OR10K2: variants seen among roughly 807,000 people sequenced by gnomAD.
The protein encoded by OR10K2 is olfactory receptor 10K2.
For synonymous variants in OR10K2, 169 were observed against 146.4 expected, an observed-to-expected ratio of 1.15 and a Z score of -1.11; for missense variants, 401 against 367.1, an observed-to-expected ratio of 1.09 and a Z score of -0.76.
In OR10K2 at chr1:158,420,285, A is replaced by G; in HGVS notation, c.582T>C (p.Phe194=). The part of the protein sequence containing the change: ...VLKLASHHNH[F]SQIVIFMLCT... ...AGAGCATGAAGATGACAATCTGACT[A>G]AAGTGGTTATGGTGAGATGCCAGCT... Residue 194 remains phenylalanine (F), a synonymous_variant, in exon 2 of 2, where the codon TTT becomes TTC. Transcript: ENST00000641042. 6.2e-7 allele frequency: 1 copy of G among 1,613,828 alleles called. No individual in the cohort carries two copies. The highest frequency in any genetic ancestry group is 8.5e-7 in the Non-Finnish European group (1 of 1,179,892).
chr1:158,422,464 A>T (rs1655173858), intron 1 of OR10K2, among the ~76,000 whole-genome samples: 2 of 152,044 alleles, frequency 1.3e-5, no homozygotes, highest in East Asian at 3.9e-4. Context: ...ACAATAGAAA[A>T]CTGGCACTGA....
At chr1:158,423,446 C>T (rs541948039) in intron 1 of OR10K2, among the ~76,000 whole-genome samples, 198 of 151,970 alleles carry the variant, frequency 1.3e-3, no homozygotes, top group African/African-American at 4.4e-3. Flanking sequence ...CTGGCAAGTT[C>T]TAGTGGTAAA....
intron 1 of OR10K2, among the ~76,000 whole-genome samples, chr1:158,422,933 A>C (rs935095713): frequency 1.3e-5 from 2 of 152,088 alleles, no homozygotes; most frequent in Non-Finnish European, 2.9e-5. Context: ...ACATCCTTGA[A>C]AAATGATATG....
chr1:158,426,002 T>G lies in OR10K2; in HGVS notation c.-131A>C, dbSNP rs1027763773. The G allele has an allele frequency of 2.0e-5, 3 of 152,138 alleles. No individual in the cohort carries two copies. The highest frequency in any genetic ancestry group is 7.2e-5 in the African/African-American group (3 of 41,456). The allele number at this position is 152,138 out of a possible 1,614,324, so 9.4% of individuals were successfully genotyped here. A position where few individuals can be genotyped will look rare whatever the true frequency, so the allele number is the denominator to read the frequency against. On this transcript the variant is annotated 5_prime_UTR_variant, in exon 1 of 2. Coordinates refer to ENST00000641042, the MANE Select transcript of OR10K2 (RefSeq NM_001004476.2). The stretch of plus-strand genomic sequence containing the variant: ...TTTCATTTCCTGTCCATTGCCCAGT[T>G]TCTCAAGGTTGTAGATGCTTAGTCC...
rs371628380 is a variant in OR10K2, at chr1:158,423,928, T to A, written c.-62+2005A>T. ...TACGATTTCATGATTTCTGTTACTATCTAAGCACTATAGATATAATTATGA... is the reference window on the plus strand; with the variant it reads ...TACGATTTCATGATTTCTGTTACTAACTAAGCACTATAGATATAATTATGA... On this transcript the variant is annotated intron_variant, in intron 1 of 1. Transcript: ENST00000641042. Among the ~76,000 whole-genome samples the A allele has an allele frequency of 2.6e-5, 4 of 152,144 alleles. No individual in the cohort carries two copies. The East Asian group carries it at 5.8e-4, about 22-fold the overall frequency.
chr1:158,420,491 T>C lies in OR10K2; in HGVS notation c.376A>G (p.Ile126Val). Residue 126 changes from isoleucine to valine, a missense_variant, in exon 2 of 2, where the codon ATC (isoleucine) becomes GTC (valine). Physicochemically the swap from Ile to Val is conservative, Grantham distance 29 (BLOSUM62 3). Transcript: ENST00000641042. ...AVMGYDRYIAICNPLRYSVLM... is the reference protein window; with the variant it reads ...AVMGYDRYIAVCNPLRYSVLM... ...ACTGAGTAGCGCAGTGGGTTACAGA[T>C]GGCTATGTAACGATCATAACCCATG... 1.2e-6 allele frequency: 2 copies of C among 1,613,864 alleles called. No individual in the cohort carries two copies. Among genetic ancestry groups the C allele is most frequent in the Non-Finnish European group, 1.7e-6 (2 of 1,179,900 alleles).
chr1:158,420,970 G>T, intron 1 of OR10K2, 43 bp from the exon 2 acceptor site: 1 of 1,046,792 alleles, frequency 9.6e-7, no homozygotes, highest in African/African-American at 1.6e-5. Context: ...ATCAGCATGC[G>T]TTCTCAGATT....
intron 1 of OR10K2, among the ~76,000 whole-genome samples, chr1:158,422,799 C>T (rs1318758520): frequency 6.6e-6 from 1 of 151,896 alleles, no homozygotes; most frequent in Non-Finnish European, 1.5e-5. Context: ...AAGACCCAGT[C>T]CCGAGCCTCT....
Position 158,420,624 on chromosome 1 carries a change from C to T in OR10K2, c.243G>A (p.Met81Ile). ...TCTTCTGGGACAGCAGGTCAACCAG[C>T]ATCTTGGGTACAATGATGAAGGTGT... ...ICYTFIIVPK[M>I]LVDLLSQKKT... The change falls in exon 2 of 2, where the codon ATG becomes ATA. Residue 81 changes from methionine to isoleucine, a missense_variant. Transcript: ENST00000641042. 5.6e-6 allele frequency: 9 copies of T among 1,613,878 alleles called. No homozygotes were observed. The highest frequency in any genetic ancestry group is 7.6e-6 in the Non-Finnish European group (9 of 1,179,902).
Position 158,420,298 on chromosome 1 carries a change from T to C in OR10K2, c.569A>G (p.His190Arg), listed in dbSNP as rs1655124701. Residue 190 changes from histidine (H) to arginine (R), a missense_variant, in exon 2 of 2, where the codon CAC (histidine) becomes CGC (arginine). His to Arg is a conservative substitution (Grantham distance 29, BLOSUM62 0). Coordinates refer to ENST00000641042, the MANE Select transcript of OR10K2 (RefSeq NM_001004476.2). Reference sequence around the variant, plus strand: ...GACAATCTGACTAAAGTGGTTATGGTGAGATGCCAGCTTGAGGACAGGAGC... The same window carrying C: ...GACAATCTGACTAAAGTGGTTATGGCGAGATGCCAGCTTGAGGACAGGAGC... ...DIAPVLKLAS[H>R]HNHFSQIVIF... The C allele has an allele frequency of 6.2e-7, 1 of 1,613,562 alleles. No individual in the cohort carries two copies. Among genetic ancestry groups the C allele is most frequent in the Middle Eastern group, 1.7e-4 (1 of 6,056 alleles).
At position 158,420,880 on chromosome 1, in the gene OR10K2, T is replaced by C; in HGVS notation, c.-14A>G. On this transcript the variant is annotated 5_prime_UTR_variant, in exon 2 of 2. It removes an upstream start codon present in the reference 5' UTR. Transcript: ENST00000641042. ...GACCCGCTCCATGGAGCATACATCA[T>C]CAGGAGACAATTAGGGAGAGAAGAG... 6.2e-7 allele frequency: 1 copy of C among 1,607,434 alleles called. No homozygotes were observed. The highest frequency in any genetic ancestry group is 1.1e-5 in the South Asian group (1 of 90,556).
In OR10K2 at chr1:158,420,221, C is replaced by A. The variant is rs756794213; in HGVS notation, c.646G>T (p.Val216Leu). ...GCAGAGAGGATGTGAACATAGGACACCAAGATCAACAATAAGGGGATAGCC... is the reference window on the plus strand; with the variant it reads ...GCAGAGAGGATGTGAACATAGGACAACAAGATCAACAATAAGGGGATAGCC... ...VLAIPLLLILVSYVHILSAIL... is the reference protein window; with the variant it reads ...VLAIPLLLILLSYVHILSAIL... The change falls in exon 2 of 2, where the codon GTG becomes TTG. Residue 216 changes from valine to leucine, a missense_variant. Coordinates refer to ENST00000641042, the MANE Select transcript of OR10K2 (RefSeq NM_001004476.2). 6.2e-7 allele frequency: 1 copy of A among 1,613,632 alleles called. No homozygotes were observed. Among genetic ancestry groups the A allele is most frequent in the South Asian group, 1.1e-5 (1 of 91,072 alleles).
intron 1 of OR10K2, among the ~76,000 whole-genome samples, chr1:158,424,547 C>T (rs773167370): frequency 3.9e-5 from 6 of 152,032 alleles, no homozygotes; most frequent in Non-Finnish European, 8.8e-5. Flanking sequence ...TTATCACATG[C>T]TCTGTTTGTT....
intron 1 of OR10K2, among the ~76,000 whole-genome samples, chr1:158,424,756 T>C (rs548028790): frequency 6.6e-6 from 1 of 151,494 alleles, no homozygotes; most frequent in East Asian, 1.9e-4. Flanking sequence ...TGTGTGTGTG[T>C]GGTGAGAAAG....
At position 158,420,512 on chromosome 1, in the gene OR10K2, C is replaced by T. The variant is rs1338465205; in HGVS notation, c.355G>A (p.Gly119Ser). The change falls in exon 2 of 2, where the codon GGT becomes AGT. Residue 119 changes from glycine to serine, a missense_variant. Physicochemically the swap from Gly to Ser is moderately conservative, Grantham distance 56 (BLOSUM62 0). Transcript: ENST00000641042. ...CAGATGGCTATGTAACGATCATAACCCATGACTGCCAGCAGAAAGGAGTGA... is the reference window on the plus strand; with the variant it reads ...CAGATGGCTATGTAACGATCATAACTCATGACTGCCAGCAGAAAGGAGTGA... ...CSHSFLLAVM[G>S]YDRYIAICNP... is the part of the protein sequence containing the mutation. The T allele has an allele frequency of 3.7e-6, 6 of 1,613,804 alleles. No homozygotes were observed. In the South Asian group the frequency reaches 6.6e-5, roughly 18 times the overall value.
chr1:158,423,096 T>C (rs1028022459), intron 1 of OR10K2, among the ~76,000 whole-genome samples: 1 of 151,974 alleles, frequency 6.6e-6, no homozygotes, highest in Non-Finnish European at 1.5e-5. Flanking sequence ...TTGCTTCTCC[T>C]TGCTCCTGGA....
Position 158,420,707 on chromosome 1 carries a change from C to T in OR10K2, c.160G>A (p.Ala54Thr). The part of the protein sequence containing the change: ...IIISTIVLDR[A>T]LHIPMYFFLA... ...AAGAAGTACATGGGGATATGAAGGG[C>T]CCTGTCCAGGACAATGGTGGAAATG... is the stretch of plus-strand genomic sequence containing the variant. Residue 54 changes from alanine to threonine, a missense_variant, in exon 2 of 2, where the codon GCC becomes ACC. Transcript: ENST00000641042. 2 of 1,613,678 alleles carry T rather than the reference C, an allele frequency of 1.2e-6. No individual in the cohort carries two copies. The highest frequency in any genetic ancestry group is 1.7e-6 in the Non-Finnish European group (2 of 1,179,828).
At chr1:158,423,141 C>A (rs1451564182) in intron 1 of OR10K2, among the ~76,000 whole-genome samples, 1 of 151,534 alleles carries the variant, frequency 6.6e-6, no homozygotes, top group African/African-American at 2.4e-5. Context: ...GCATGTTCTA[C>A]TTTATATCAC....
intron 1 of OR10K2, among the ~76,000 whole-genome samples, chr1:158,425,359 C>CAG (rs1260503657): frequency 2.0e-5 from 3 of 152,074 alleles, no homozygotes; most frequent in Non-Finnish European, 4.4e-5. Flanking sequence ...AGCAATGGAA[C>CAG]AGAGGTCTTT....
Sources: gnomAD v4.1 joint callset for allele counts (sites outside exome capture counted in the v4.1 genomes callset) on GRCh38, gnomAD v4.1.1 for gene constraint, MANE v1.5 for transcripts, NCBI Gene and HGNC (gene_info 2026-07-23, HGNC 2026-07-21) for gene names.